Variants in NUCKS1 observed in about 807,000 individuals in gnomAD.
The protein encoded by NUCKS1 is nuclear casein kinase and cyclin dependent kinase substrate 1.
A neutral mutation model predicts 33.0 loss-of-function variants in NUCKS1; 2 were observed. The ratio of observed to expected loss-of-function variants is 0.06; its 90% CI spans 0.02 to 0.19. The LOEUF (loss-of-function observed/expected upper bound fraction) is 0.19, where lower values mean the gene tolerates loss of function less well. NUCKS1 is among the 10% of genes least tolerant of loss of function. The pLI is 1.00. For synonymous variants in NUCKS1, 106 were observed against 102.8 expected (o/e 1.03, Z -0.19); for missense variants, 201 against 293.6 (o/e 0.68, Z 2.31).
chr1:205,747,665 C>A (rs114702033), intron 1 of NUCKS1, among the ~76,000 whole-genome samples: 1,616 of 152,318 alleles, frequency 0.011, 34 homozygotes, highest in African/African-American at 0.037. Context: ...AAAGACGACA[C>A]AGTGACAATA....
intron 1 of NUCKS1, among the ~76,000 whole-genome samples, chr1:205,746,496 T>C (rs1654337778): frequency 6.9e-6 from 1 of 144,654 alleles, no homozygotes; most frequent in South Asian, 2.2e-4. Flanking sequence ...CACTAGAGAA[T>C]AAGAGAATGA....
At chr1:205,720,978 A>C (rs1435642958) in intron 4 of NUCKS1, among the ~76,000 whole-genome samples, 3 of 152,178 alleles carry the variant, frequency 2.0e-5, no homozygotes, top group African/African-American at 7.2e-5. Context: ...ATGGAGCTGG[A>C]GGCCATTATC....
intron 1 of NUCKS1, among the ~76,000 whole-genome samples, chr1:205,740,820 A>AGT (rs1654149254): frequency 2.4e-5 from 1 of 41,456 alleles, no homozygotes; most frequent in African/African-American, 4.9e-5. Flanking sequence ...TCTCCTACTA[A>AGT]GTATATATAT....
At chr1:205,737,275 T>C (rs1308483263) in intron 1 of NUCKS1, among the ~76,000 whole-genome samples, 1 of 152,212 alleles carries the variant, frequency 6.6e-6, no homozygotes, top group Non-Finnish European at 1.5e-5. Context: ...GACTATATAT[T>C]GTAATTCCAA....
chr1:205,728,651 A>G (rs1171477281), intron 2 of NUCKS1, among the ~76,000 whole-genome samples: 2 of 152,106 alleles, frequency 1.3e-5, no homozygotes, highest in Non-Finnish European at 2.9e-5. Flanking sequence ...GTCTTCCCAA[A>G]GGGCACATAT....
At chr1:205,735,780 A>T (rs1212252072) in intron 1 of NUCKS1, among the ~76,000 whole-genome samples, 4 of 152,238 alleles carry the variant, frequency 2.6e-5, no homozygotes, top group Admixed American at 6.5e-5. Flanking sequence ...TGTTCCACCC[A>T]GAATACCACT....
At chr1:205,739,365 T>G (rs2102444574) in intron 1 of NUCKS1, among the ~76,000 whole-genome samples, 1 of 152,366 alleles carries the variant, frequency 6.6e-6, no homozygotes, top group South Asian at 2.1e-4. Flanking sequence ...TTGGAAGATT[T>G]ACCTCTTTCC....
chr1:205,733,898 A>G (rs1653973874), intron 1 of NUCKS1, among the ~76,000 whole-genome samples: 1 of 152,102 alleles, frequency 6.6e-6, no homozygotes, highest in South Asian at 2.1e-4. Context: ...AACAATTGAG[A>G]CAGGGTCTTG....
intron 1 of NUCKS1, 116 bp downstream of exon 1, chr1:205,749,841 G>A (rs925851785): frequency 2.8e-5 from 33 of 1,171,814 alleles, no homozygotes; most frequent in Middle Eastern, 2.3e-4. Context: ...CCCCGAAAGG[G>A]AGGAGGCCGC....
Position 205,750,128 on chromosome 1 carries a change from T to G in NUCKS1, c.-155A>C, listed in dbSNP as rs2102454659. Reference sequence around the variant, plus strand: ...CTTCTCAAACTCCGCTGCTCTTTGGTTCAGGGCTCCTGGAACAGACGAGCC... The same window carrying G: ...CTTCTCAAACTCCGCTGCTCTTTGGGTCAGGGCTCCTGGAACAGACGAGCC... On this transcript the variant is annotated 5_prime_UTR_variant, in exon 1 of 7. Transcript: ENST00000367142. 2 of 741,336 alleles carry G rather than the reference T, an allele frequency of 2.7e-6. No homozygotes were observed. Among genetic ancestry groups the G allele is most frequent in the Non-Finnish European group, 4.5e-6 (2 of 443,226 alleles). 45.9% of individuals were successfully genotyped at this position (741,336 alleles called of 1,614,324 possible). A position where few individuals can be genotyped will look rare whatever the true frequency, so the allele number is the denominator to read the frequency against.
chr1:205,736,979 A>C (rs1345542348), intron 1 of NUCKS1, among the ~76,000 whole-genome samples: 2 of 152,008 alleles, frequency 1.3e-5, no homozygotes, highest in Non-Finnish European at 2.9e-5. Flanking sequence ...GCATTCCTTA[A>C]ATTTATATGA....
chr1:205,736,201 C>T (rs1654030128), intron 1 of NUCKS1, among the ~76,000 whole-genome samples: 1 of 152,158 alleles, frequency 6.6e-6, no homozygotes, highest in Non-Finnish European at 1.5e-5. Context: ...ATCCTCCCTT[C>T]TCGGCCTCTC....
intron 1 of NUCKS1, among the ~76,000 whole-genome samples, chr1:205,747,264 G>T (rs530894727): frequency 6.6e-6 from 1 of 152,238 alleles, no homozygotes; most frequent in East Asian, 1.9e-4. Context: ...CACTTATCCA[G>T]GTCCCCATTA....
chr1:205,723,618 T>C (rs969046712), intron 4 of NUCKS1, among the ~76,000 whole-genome samples: 2 of 152,174 alleles, frequency 1.3e-5, no homozygotes, highest in Non-Finnish European at 2.9e-5. Flanking sequence ...ACGTAAATGA[T>C]TTCCAATATT....
chr1:205,747,562 G>C (rs922414706), intron 1 of NUCKS1, among the ~76,000 whole-genome samples: 1 of 152,128 alleles, frequency 6.6e-6, no homozygotes, highest in African/African-American at 2.4e-5. Context: ...AAAATGTTTA[G>C]GTTCATATTA....
chr1:205,745,254 G>A (rs1447435521), intron 1 of NUCKS1, among the ~76,000 whole-genome samples: 1 of 152,154 alleles, frequency 6.6e-6, no homozygotes, highest in East Asian at 1.9e-4. Context: ...CGGGACTTAA[G>A]TTCTTTCTAG....
intron 1 of NUCKS1, among the ~76,000 whole-genome samples, chr1:205,737,274 T>C (rs190306959): frequency 6.6e-6 from 1 of 152,330 alleles, no homozygotes; most frequent in Admixed American, 6.5e-5. Context: ...GGACTATATA[T>C]TGTAATTCCA....
At chr1:205,722,553 A>C (rs1303981120) in intron 4 of NUCKS1, among the ~76,000 whole-genome samples, 1 of 152,088 alleles carries the variant, frequency 6.6e-6, no homozygotes, top group African/African-American at 2.4e-5. Context: ...CACCGGGCTC[A>C]GCCAAATTTT....
chr1:205,739,367 C>T (rs1422581833), intron 1 of NUCKS1, among the ~76,000 whole-genome samples: 1 of 152,232 alleles, frequency 6.6e-6, no homozygotes, highest in African/African-American at 2.4e-5. Context: ...GGAAGATTTA[C>T]CTCTTTCCAC....
Sources: allele counts gnomAD v4.1 joint callset (sites outside exome capture counted in the v4.1 genomes callset), GRCh38; gene constraint gnomAD v4.1.1; transcripts MANE v1.5; gene names NCBI Gene and HGNC (gene_info 2026-07-23, HGNC 2026-07-21).